RNFT2: variants seen among roughly 807,000 people sequenced by gnomAD.
RNFT2 encodes ring finger protein, transmembrane 2.
RNFT2 carries 36 observed loss-of-function variants against 53.0 expected under a neutral mutation model. That is an observed-to-expected ratio of 0.68 (90% confidence interval 0.52 to 0.90). RNFT2 has a LOEUF of 0.90. Among genes scored for constraint, RNFT2 ranks in the 40% least tolerant of loss-of-function variants. RNFT2 has a pLI of 0.00. For missense variants in RNFT2, 514 were observed against 585.6 expected (o/e 0.88, Z 1.26); for synonymous variants, 260 against 253.2 (o/e 1.03, Z -0.26).
intron 7 of RNFT2, among the ~76,000 whole-genome samples, chr12:116,827,219 C>CAAAAAA (rs753600365): frequency 5.4e-4 from 50 of 92,454 alleles, no homozygotes; most frequent in African/African-American, 1.7e-3. Context: ...GACTCCATCT[C>CAAAAAA]AAAAAAAAAA....
chr12:116,785,572 A>G (rs1873899268), intron 7 of RNFT2, among the ~76,000 whole-genome samples: 1 of 152,086 alleles, frequency 6.6e-6, no homozygotes, highest in African/African-American at 2.4e-5. Context: ...TGTAATTATT[A>G]CATTCATTCC....
intron 6 of RNFT2, 48 bp from the exon 7 acceptor site, chr12:116,779,147 A>G: frequency 6.2e-7 from 1 of 1,604,230 alleles, no homozygotes; most frequent in Non-Finnish European, 8.5e-7. Flanking sequence ...GGAGCTGCTG[A>G]GGCCTGGCCC....
intron 7 of RNFT2, among the ~76,000 whole-genome samples, chr12:116,808,687 C>G (rs1875205155): frequency 6.6e-6 from 1 of 152,186 alleles, no homozygotes; most frequent in Non-Finnish European, 1.5e-5. Flanking sequence ...CACATGGCCC[C>G]CGCAGTTTAA....
chr12:116,750,458 G>A (rs925932713), intron 4 of RNFT2, among the ~76,000 whole-genome samples, 151 bp downstream of exon 4: 3 of 152,134 alleles, frequency 2.0e-5, no homozygotes, highest in Non-Finnish European at 1.5e-5. Context: ...TCAGACCTGG[G>A]TTCAAATCCT....
chr12:116,799,464 AG>A (rs1422295626), intron 7 of RNFT2, among the ~76,000 whole-genome samples: 9 of 152,214 alleles, frequency 5.9e-5, no homozygotes, highest in African/African-American at 2.2e-4. Flanking sequence ...TTACCTTCGT[AG>A]TACTGGGCAT....
In RNFT2 at chr12:116,853,443, GAGA is replaced by G. The variant is rs1427991329; in HGVS notation, c.*4000_*4002del. ...TATGATAGGTGCATCAGCTTCGGAA[GAGA>G]AGAATGATGTGCAGAGTGTTAGGAA... On this transcript the variant is annotated 3_prime_UTR_variant, in exon 11 of 11. Coordinates refer to ENST00000257575, the MANE Select transcript of RNFT2 (RefSeq NM_001382266.1). The G allele has an allele frequency of 1.1e-5, 4 of 362,826 alleles. No homozygotes were observed. Among genetic ancestry groups the G allele is most frequent in the Non-Finnish European group, 2.0e-5 (4 of 204,008 alleles). The allele number at this position is 362,826 out of a possible 1,614,324, so 22.5% of individuals were successfully genotyped here. A position where few individuals can be genotyped will look rare whatever the true frequency, so the allele number is the denominator to read the frequency against.
At chr12:116,847,838 T>A (rs1291783470) in intron 10 of RNFT2, among the ~76,000 whole-genome samples, 2 of 152,276 alleles carry the variant, frequency 1.3e-5, no homozygotes, top group South Asian at 2.1e-4. Flanking sequence ...TCTCTCTTTT[T>A]TAAAAAATTT....
intron 7 of RNFT2, among the ~76,000 whole-genome samples, chr12:116,833,537 C>T (rs985549455): frequency 1.3e-5 from 2 of 152,186 alleles, no homozygotes; most frequent in Non-Finnish European, 2.9e-5. Context: ...TTTCTCCTAC[C>T]CTGAAACTCG....
intron 7 of RNFT2, among the ~76,000 whole-genome samples, chr12:116,801,824 GTTTGTTTGT>G (rs1226404620): frequency 6.6e-6 from 1 of 151,486 alleles, no homozygotes; most frequent in African/African-American, 2.4e-5. Flanking sequence ...TTGTTTGTTT[GTTTGTTTGT>G]TTTTTTGAGA....
At chr12:116,812,271 C>T (rs769900128) in intron 7 of RNFT2, among the ~76,000 whole-genome samples, 1 of 152,004 alleles carries the variant, frequency 6.6e-6, no homozygotes, top group African/African-American at 2.4e-5. Context: ...CATAGCAGCC[C>T]GACATAAATA....
chr12:116,749,920 T>G lies in RNFT2; in HGVS notation c.163T>G (p.Ser55Ala). The G allele has an allele frequency of 6.3e-7, 1 of 1,583,740 alleles. No individual in the cohort carries two copies. Among genetic ancestry groups the G allele is most frequent in the Non-Finnish European group, 8.6e-7 (1 of 1,165,028 alleles). The part of the protein sequence containing the change: ...VFESLKAEAA[S>A]PPALFSGLSG... ...TGAGAGTCTGAAGGCAGAGGCAGCCTCCCCACCAGCGCTCTTCTCGGGCTT... is the reference window on the plus strand; with the variant it reads ...TGAGAGTCTGAAGGCAGAGGCAGCCGCCCCACCAGCGCTCTTCTCGGGCTT... The change falls in exon 4 of 11, where the codon TCC (serine) becomes GCC (alanine). Residue 55 changes from serine to alanine, a missense_variant. Physicochemically the swap from Ser to Ala is moderately conservative, Grantham distance 99. Coordinates refer to ENST00000257575, the MANE Select transcript of RNFT2 (RefSeq NM_001382266.1).
At chr12:116,749,366 C>T (rs7974175) in intron 3 of RNFT2, among the ~76,000 whole-genome samples, 124,774 of 149,904 alleles carry the variant, frequency 0.83, 52,108 homozygotes, top group East Asian at 0.92. Flanking sequence ...CAGCCTCAAC[C>T]TCCTGGGCTC....
Position 116,841,958 on chromosome 12 carries a change from TAG to T in RNFT2, c.1200+5703_1200+5704del, listed in dbSNP as rs71099003. ...ATAAATATATATATAAATATATATA[TAG>T]AGAGAGAGAGAGAGAGAGAGAGAGA... On this transcript the variant is annotated intron_variant, in intron 10 of 10. Transcript: ENST00000257575. 2.8e-3 allele frequency among the ~76,000 whole-genome samples: 18 copies of T among 6,388 alleles called. 3 individuals carry two copies. The highest frequency in any genetic ancestry group is 7.1e-3 in the African/African-American group (11 of 1,546). The allele number at this position is 6,388 out of a possible 152,430, so 4.2% of individuals were successfully genotyped here.
At chr12:116,839,129 G>A (rs960060653) in intron 10 of RNFT2, among the ~76,000 whole-genome samples, 5 of 152,216 alleles carry the variant, frequency 3.3e-5, no homozygotes, top group South Asian at 2.1e-4. Flanking sequence ...ATAGATGCCT[G>A]TGTTTTTCCT....
At chr12:116,802,515 T>TA (rs1400487165) in intron 7 of RNFT2, among the ~76,000 whole-genome samples, 4 of 152,036 alleles carry the variant, frequency 2.6e-5, no homozygotes, top group East Asian at 1.9e-4. Flanking sequence ...TCTGGTCCTT[T>TA]AAAAAAAAGT....
Position 116,758,570 on chromosome 12 carries a change from C to T in RNFT2, c.627+4510C>T, listed in dbSNP as rs116306354. Among the ~76,000 whole-genome samples the T allele has an allele frequency of 9.7e-3, 1,482 of 152,214 alleles. 25 individuals are homozygous for T. The highest frequency in any genetic ancestry group is 0.035 in the African/African-American group (1,442 of 41,524). The stretch of plus-strand genomic sequence containing the variant: ...AAATTCTTGGTAATGGGTGAATTCT[C>T]TTAGCATTTGTTTGTCTGAAAATAC... On this transcript the variant is annotated intron_variant, in intron 5 of 10. Coordinates refer to ENST00000257575, the MANE Select transcript of RNFT2 (RefSeq NM_001382266.1).
intron 7 of RNFT2, among the ~76,000 whole-genome samples, chr12:116,797,858 G>C (rs1874578399): frequency 6.6e-6 from 1 of 152,210 alleles, no homozygotes; most frequent in Non-Finnish European, 1.5e-5. Context: ...AAATTTCCAG[G>C]GAAGGGGTAG....
chr12:116,849,361 C>T lies in RNFT2; in HGVS notation c.1248C>T (p.Arg416=). The T allele has an allele frequency of 6.5e-7, 1 of 1,548,020 alleles. No individual in the cohort carries two copies. The highest frequency in any genetic ancestry group is 8.7e-7 in the Non-Finnish European group (1 of 1,149,984). ...TCTGCCTGTGGCTGGACCGTGAGCG[C>T]ACCTGCCCGCTCTGCCGCTCGGTCG... ...ECLCLWLDRE[R]TCPLCRSVAV... Residue 416 remains arginine, a synonymous_variant, in exon 11 of 11, where the codon CGC becomes CGT. Coordinates refer to ENST00000257575, the MANE Select transcript of RNFT2 (RefSeq NM_001382266.1).
At chr12:116,846,636 TTTA>T (rs1279286022) in intron 10 of RNFT2, among the ~76,000 whole-genome samples, 1 of 152,076 alleles carries the variant, frequency 6.6e-6, no homozygotes, top group African/African-American at 2.4e-5. Flanking sequence ...TTTAGATTTT[TTTA>T]TTATTATTTC....
Sources: allele counts gnomAD v4.1 joint callset (sites outside exome capture counted in the v4.1 genomes callset), GRCh38; gene constraint gnomAD v4.1.1; transcripts MANE v1.5; gene names NCBI Gene and HGNC (gene_info 2026-07-23, HGNC 2026-07-21).